C1orf21: variants seen among roughly 807,000 people sequenced by gnomAD.
C1orf21 encodes chromosome 1 open reading frame 21.
In C1orf21, 3 loss-of-function variants were observed where a neutral mutation model predicts 18.7. The ratio of observed to expected loss-of-function variants is 0.16; its 90% confidence interval spans 0.07 to 0.42. C1orf21 has a LOEUF of 0.42. Among genes scored for constraint, C1orf21 ranks in the 10% least tolerant of loss-of-function variants. C1orf21 has a pLI of 0.99. For missense variants in C1orf21, 104 were observed against 143.6 expected (o/e 0.72, Z 1.41); for synonymous variants, 41 against 46.4 (o/e 0.88, Z 0.47).
At chr1:184,469,806 C>T (rs957903303) in intron 1 of C1orf21, among the ~76,000 whole-genome samples, 2 of 152,228 alleles carry the variant, frequency 1.3e-5, no homozygotes, top group Non-Finnish European at 1.5e-5. Context: ...TTCTGACTCT[C>T]ATAAGCATCT....
chr1:184,420,123 C>G (rs1656521932), intron 1 of C1orf21, among the ~76,000 whole-genome samples: 1 of 151,930 alleles, frequency 6.6e-6, no homozygotes, highest in Non-Finnish European at 1.5e-5. Context: ...TGTCAGACAT[C>G]CAAAATGGAA....
chr1:184,603,712 T>C (rs1369589111), intron 5 of C1orf21, among the ~76,000 whole-genome samples: 1 of 152,140 alleles, frequency 6.6e-6, no homozygotes, highest in African/African-American at 2.4e-5. Flanking sequence ...TGAGAATCGC[T>C]TGGACCTGGG....
intron 3 of C1orf21, chr1:184,566,951 A>C: frequency 3.8e-6 from 2 of 527,896 alleles, no homozygotes; most frequent in South Asian, 2.8e-5. Flanking sequence ...CTACAGAAAT[A>C]AGTCCACCTT....
chr1:184,508,966 CA>C (rs1658105232), intron 3 of C1orf21, among the ~76,000 whole-genome samples: 1 of 152,132 alleles, frequency 6.6e-6, no homozygotes, highest in Non-Finnish European at 1.5e-5. Flanking sequence ...ATTGAAATAT[CA>C]GTAGTCATTT....
rs979100393 is a variant in C1orf21 at position 184,537,962 on chromosome 1, C to G, written c.189+30280C>G. Reference sequence around the variant, plus strand: ...CCGCACCTAGACCCTAATTTCAATTCTCTTGGGCACATACCCAGAAGTGGA... The same window carrying G: ...CCGCACCTAGACCCTAATTTCAATTGTCTTGGGCACATACCCAGAAGTGGA... On this transcript the variant is annotated intron_variant, in intron 3 of 5. Coordinates refer to ENST00000235307, the MANE Select transcript of C1orf21 (RefSeq NM_030806.4). Among the ~76,000 whole-genome samples the G allele has an allele frequency of 2.6e-5, 4 of 152,148 alleles. No individual in the cohort carries two copies. The East Asian group carries it at 7.7e-4, about 29-fold the overall frequency.
At position 184,548,305 on chromosome 1, in the gene C1orf21, G is replaced by C. The variant is rs200336845; in HGVS notation, c.189+40623G>C. 4.6e-5 allele frequency among the ~76,000 whole-genome samples: 7 copies of C among 151,406 alleles called. No homozygotes were observed. The East Asian group carries it at 1.4e-3, about 29-fold the overall frequency. On this transcript the variant is annotated intron_variant, in intron 3 of 5. Transcript: ENST00000235307. ...TTAGGGAGCATGGGCTGGTTAAATT[G>C]GCCCTGAAAGAGGAAGTGAACCATC...
Position 184,437,426 on chromosome 1 carries a change from A to G in C1orf21, c.-124-39960A>G, listed in dbSNP as rs1484581606. Among the ~76,000 whole-genome samples the G allele has an allele frequency of 4.0e-5, 6 of 150,028 alleles. No individual in the cohort carries two copies. The East Asian group carries it at 1.2e-3, about 29-fold the overall frequency. On this transcript the variant is annotated intron_variant, in intron 1 of 5. Coordinates refer to ENST00000235307, the MANE Select transcript of C1orf21 (RefSeq NM_030806.4). ...CCCTTGGCGCTTTGTTTTTCCTCCC[A>G]TCTTGCTCTCTGTGTTTGGCTCCTA...
At chr1:184,563,507 C>T (rs1375928194) in intron 3 of C1orf21, among the ~76,000 whole-genome samples, 1 of 152,096 alleles carries the variant, frequency 6.6e-6, no homozygotes, top group African/African-American at 2.4e-5. Context: ...TTCAACAGCT[C>T]CCCCTAGCAT....
rs1657057021 is a variant in C1orf21, at chr1:184,447,819, T to A, written c.-124-29567T>A. ...CTTCTGTTTGAAGGAATGATGTCACTAACAAAAAAATCTGGTCATTTCACA... is the reference window on the plus strand; with the variant it reads ...CTTCTGTTTGAAGGAATGATGTCACAAACAAAAAAATCTGGTCATTTCACA... On this transcript the variant is annotated intron_variant, in intron 1 of 5. Transcript: ENST00000235307. 7.2e-5 allele frequency among the ~76,000 whole-genome samples: 11 copies of A among 152,088 alleles called. 1 individual carries two copies. Among genetic ancestry groups the A allele is most frequent in the Admixed American group, 6.6e-4 (10 of 15,266 alleles).
intron 3 of C1orf21, among the ~76,000 whole-genome samples, chr1:184,524,389 C>T (rs979033444): frequency 6.6e-6 from 1 of 152,132 alleles, no homozygotes; most frequent in South Asian, 2.1e-4. Context: ...TGGAGAATTC[C>T]TAAGTAATGA....
chr1:184,405,920 A>G (rs945278808), intron 1 of C1orf21, among the ~76,000 whole-genome samples: 3 of 152,218 alleles, frequency 2.0e-5, no homozygotes, highest in African/African-American at 7.2e-5. Flanking sequence ...TCTGATCTGT[A>G]GGGATATGTG....
chr1:184,405,219 A>G (rs1656226158), intron 1 of C1orf21, among the ~76,000 whole-genome samples: 1 of 151,312 alleles, frequency 6.6e-6, no homozygotes, highest in Non-Finnish European at 1.5e-5. Flanking sequence ...TTTTTGAGTC[A>G]GGGTCTTGCT....
At chr1:184,419,091 G>T (rs58462114) in intron 1 of C1orf21, among the ~76,000 whole-genome samples, 24,135 of 151,984 alleles carry the variant, frequency 0.16, 1,994 homozygotes, top group African/African-American at 0.2. Flanking sequence ...GTTTTATAAT[G>T]AGGGAGGTAG....
At chr1:184,410,417 G>A (rs747192617) in intron 1 of C1orf21, among the ~76,000 whole-genome samples, 14 of 148,506 alleles carry the variant, frequency 9.4e-5, no homozygotes, top group African/African-American at 2.1e-4. Flanking sequence ...TGTGCAAAAC[G>A]AGAGTCAATT....
intron 3 of C1orf21, among the ~76,000 whole-genome samples, chr1:184,522,880 G>C (rs545678956): frequency 6.6e-6 from 1 of 152,220 alleles, no homozygotes; most frequent in Admixed American, 6.5e-5. Context: ...GTAGAGACAG[G>C]GTTTTGCCAG....
intron 3 of C1orf21, among the ~76,000 whole-genome samples, chr1:184,521,378 C>T (rs1047904586): frequency 6.6e-6 from 1 of 151,940 alleles, no homozygotes; most frequent in Non-Finnish European, 1.5e-5. Context: ...TGGAAGCAAC[C>T]AAGGTGTCCT....
intron 3 of C1orf21, among the ~76,000 whole-genome samples, chr1:184,540,427 G>T (rs1291659020): frequency 2.0e-5 from 3 of 150,850 alleles, no homozygotes; most frequent in African/African-American, 4.9e-5. Context: ...AGTTTTTTTT[G>T]TTTGTTTGTT....
intron 1 of C1orf21, among the ~76,000 whole-genome samples, chr1:184,405,794 C>T (rs1656238872): frequency 6.6e-6 from 1 of 152,168 alleles, no homozygotes; most frequent in Non-Finnish European, 1.5e-5. Context: ...GTTATTCAGT[C>T]TCTTTCCCTG....
At chr1:184,395,740 C>T (rs1186515740) in intron 1 of C1orf21, among the ~76,000 whole-genome samples, 1 of 152,104 alleles carries the variant, frequency 6.6e-6, no homozygotes, top group African/African-American at 2.4e-5. Flanking sequence ...CACTGTCCAA[C>T]GTAGTTAATA....
Sources: allele counts gnomAD v4.1 joint callset (sites outside exome capture counted in the v4.1 genomes callset), GRCh38; gene constraint gnomAD v4.1.1; transcripts MANE v1.5; gene names NCBI Gene and HGNC (gene_info 2026-07-23, HGNC 2026-07-21).